TRIM67: variants seen among roughly 807,000 people sequenced by gnomAD.
The protein encoded by TRIM67 is tripartite motif containing 67.
A neutral mutation model predicts 71.0 loss-of-function variants in TRIM67; 39 were observed. The observed-to-expected ratio is 0.55, with a 90% confidence interval of 0.43 to 0.72. The LOEUF (loss-of-function observed/expected upper bound fraction) is 0.72. Ranked by LOEUF, TRIM67 falls within the 30% of genes least tolerant of loss-of-function variation. The pLI, the probability that TRIM67 is intolerant of heterozygous loss-of-function variation, is 0.00. For synonymous variants in TRIM67, 481 were observed against 473.9 expected, an observed-to-expected ratio of 1.01 and a Z score of -0.19; for missense variants, 973 against 1,079.2, an observed-to-expected ratio of 0.90 and a Z score of 1.38.
chr1:231,185,270 C>G, intron 1 of TRIM67: 2 of 1,498,786 alleles, frequency 1.3e-6, no homozygotes, highest in Non-Finnish European at 1.8e-6. Context: ...ACCCCTGGAC[C>G]AGCTCTCCCT....
chr1:231,211,655 C>T (rs1353163870), intron 8 of TRIM67, among the ~76,000 whole-genome samples: 2 of 152,232 alleles, frequency 1.3e-5, no homozygotes, highest in Non-Finnish European at 2.9e-5. Flanking sequence ...GACTTCCTGT[C>T]GTGAATCCTC....
In TRIM67 at chr1:231,206,812, T is replaced by C. The variant is rs1378785052; in HGVS notation, c.1819+22T>C. The C allele has an allele frequency of 1.9e-6, 3 of 1,562,060 alleles. No individual in the cohort carries two copies. In the Admixed American group the frequency reaches 5.8e-5, roughly 30 times the overall value. On this transcript the variant is annotated intron_variant, in intron 7 of 9. Coordinates refer to ENST00000366653, the MANE Select transcript of TRIM67 (RefSeq NM_001004342.5). Reference sequence around the variant, plus strand: ...GATGGTGAGCATCGGGATCTCTTAGTGGGAAGAACAGATTCATCATTTTAT... The same window carrying C: ...GATGGTGAGCATCGGGATCTCTTAGCGGGAAGAACAGATTCATCATTTTAT...
rs755009817 is a variant in TRIM67 at position 231,215,403 on chromosome 1, C to A, written c.2315C>A (p.Pro772Gln). ...ACCCTGCACACAGGATTGGAAGTGCCGACTAACCTGGGGCGGCCAAAGCTG... is the reference window on the plus strand; with the variant it reads ...ACCCTGCACACAGGATTGGAAGTGCAGACTAACCTGGGGCGGCCAAAGCTG... Reference protein sequence around the residue: ...QVTLHTGLEVPTNLGRPKLSG... With the variant: ...QVTLHTGLEVQTNLGRPKLSG... Residue 772 changes from proline (P) to glutamine (Q), a missense_variant, in exon 10 of 10, where the codon CCG (proline) becomes CAG (glutamine). By Grantham distance (76) the Pro-to-Gln change is moderately conservative. Transcript: ENST00000366653. The A allele has an allele frequency of 6.8e-6, 11 of 1,612,304 alleles. No homozygotes were observed. In the Admixed American group the frequency reaches 1.3e-4, roughly 20 times the overall value.
At chr1:231,203,452 G>C (rs540140906) in intron 5 of TRIM67, among the ~76,000 whole-genome samples, 1 of 152,334 alleles carries the variant, frequency 6.6e-6, no homozygotes, top group East Asian at 1.9e-4. Context: ...CCTGCGGAGA[G>C]GATCCCTAGG....
rs546656255 is a variant in TRIM67, at chr1:231,185,494, G to A, written c.1045-11877G>A. ...GAGTGAGCCGGGATGAACAGGCAGCGAGGGGAGGCCACATCGAGAGTGAGA... is the reference window on the plus strand; with the variant it reads ...GAGTGAGCCGGGATGAACAGGCAGCAAGGGGAGGCCACATCGAGAGTGAGA... On this transcript the variant is annotated intron_variant, in intron 1 of 9. Transcript: ENST00000366653. 4.5e-4 allele frequency among the ~76,000 whole-genome samples: 69 copies of A among 151,926 alleles called. 1 individual carries two copies. Among genetic ancestry groups the A allele is most frequent in the Admixed American group, 1.3e-3 (20 of 15,288 alleles).
At chr1:231,205,507 C>T (rs1037006595) in intron 6 of TRIM67, among the ~76,000 whole-genome samples, 8 of 152,090 alleles carry the variant, frequency 5.3e-5, no homozygotes, top group African/African-American at 1.4e-4. Context: ...GGATGGATCA[C>T]TTGAGGTCAG....
intron 1 of TRIM67, chr1:231,184,752 G>A (rs549085775): frequency 3.4e-5 from 17 of 506,552 alleles, no homozygotes; most frequent in Non-Finnish European, 3.5e-5. Context: ...TCATTCTACC[G>A]AGAACCACCA....
In TRIM67 at chr1:231,163,847, G is replaced by C. The variant is rs200729419; in HGVS notation, c.878G>C (p.Gly293Ala). The change falls in exon 1 of 10, where the codon GGG (glycine) becomes GCG (alanine). Residue 293 changes from glycine (G) to alanine (A), a missense_variant. Gly to Ala is a moderately conservative substitution (Grantham distance 60). Coordinates refer to ENST00000366653, the MANE Select transcript of TRIM67 (RefSeq NM_001004342.5). ...SPGGAGAGAT[G>A]GSTARKFPTC... The stretch of plus-strand genomic sequence containing the variant: ...GGAGGCGCGGGGGCGGGGGCGACTG[G>C]GGGCAGCACGGCCCGCAAGTTCCCC... The C allele has an allele frequency of 2.4e-3, 3,783 of 1,546,348 alleles. 15 individuals carry two copies. Among genetic ancestry groups the C allele is most frequent in the South Asian group, 0.011 (914 of 82,882 alleles).
chr1:231,217,892 C>T lies in TRIM67; in HGVS notation c.*2452C>T, dbSNP rs1451054282. 2.3e-6 allele frequency: 3 copies of T among 1,289,268 alleles called. No homozygotes were observed. Among genetic ancestry groups the T allele is most frequent in the East Asian group, 1.1e-4 (2 of 18,026 alleles). The allele number at this position is 1,289,268 out of a possible 1,614,324, so 79.9% of individuals were successfully genotyped here. On this transcript the variant is annotated 3_prime_UTR_variant, in exon 10 of 10. Coordinates refer to ENST00000366653, the MANE Select transcript of TRIM67 (RefSeq NM_001004342.5). ...GTGGCCTCTTTCAGAAAAAAGTTCCCTGAAGTCCAGAGAGGTGCAGCCAGG... is the reference window on the plus strand; with the variant it reads ...GTGGCCTCTTTCAGAAAAAAGTTCCTTGAAGTCCAGAGAGGTGCAGCCAGG...
intron 1 of TRIM67, among the ~76,000 whole-genome samples, chr1:231,191,485 G>C (rs556784139): frequency 6.6e-6 from 1 of 152,270 alleles, no homozygotes; most frequent in East Asian, 1.9e-4. Context: ...GGTGGGTGGG[G>C]GGCTTCCCCA....
Position 231,162,851 on chromosome 1 carries a change from C to A in TRIM67, c.-119C>A. The A allele has an allele frequency of 2.2e-6, 3 of 1,348,920 alleles. No homozygotes were observed. The highest frequency in any genetic ancestry group is 3.0e-6 in the Non-Finnish European group (3 of 997,598). The allele number at this position is 1,348,920 out of a possible 1,614,324, so 83.6% of individuals were successfully genotyped here. ...CCCTCGGCTGTGAAGTGGGCATGCC[C>A]GTGTGATGCCCCCGCCCGTCGTCTC... On this transcript the variant is annotated 5_prime_UTR_variant, in exon 1 of 10. Transcript: ENST00000366653.
chr1:231,174,191 T>C, intron 1 of TRIM67, among the ~76,000 whole-genome samples: 1 of 150,874 alleles, frequency 6.6e-6, no homozygotes, highest in East Asian at 1.9e-4. Flanking sequence ...CAGGGTCTCA[T>C]TGTGTTTCCC....
At chr1:231,213,333 A>G (rs1456638345) in intron 8 of TRIM67, among the ~76,000 whole-genome samples, 1 of 152,098 alleles carries the variant, frequency 6.6e-6, no homozygotes, top group African/African-American at 2.4e-5. Context: ...GCCTGTTAAC[A>G]AGGTGTGTCC....
intron 1 of TRIM67, among the ~76,000 whole-genome samples, chr1:231,167,922 T>G (rs1682521102): frequency 6.6e-6 from 1 of 152,162 alleles, no homozygotes; most frequent in African/African-American, 2.4e-5. Flanking sequence ...ATAGTTGCAC[T>G]GTGATCACAG....
Position 231,200,160 on chromosome 1 carries a change from C to T in TRIM67, c.1276C>T (p.Gln426Ter). The T allele has an allele frequency of 6.2e-7, 1 of 1,613,520 alleles. No homozygotes were observed. The highest frequency in any genetic ancestry group is 2.2e-5 in the East Asian group (1 of 44,858). ...CTTTCCATTGCAGATGGTTTGGGACCAGATCAATCACTGCACATTGAAGCT... is the reference window on the plus strand; with the variant it reads ...CTTTCCATTGCAGATGGTTTGGGACTAGATCAATCACTGCACATTGAAGCT... ...REHKLKMVWD[Q>*]INHCTLKLRQ... The change falls in exon 4 of 10, where the codon CAG becomes TAG. Residue 426 changes from glutamine to a stop codon, truncating the protein, a stop_gained. Transcript: ENST00000366653. LOFTEE classifies it high-confidence loss of function.
chr1:231,213,170 A>T (rs1683919848), intron 8 of TRIM67, among the ~76,000 whole-genome samples: 1 of 152,196 alleles, frequency 6.6e-6, no homozygotes, highest in African/African-American at 2.4e-5. Context: ...TTGGCAGGAA[A>T]AGGTGCCTTT....
At chr1:231,167,892 G>A (rs187227792) in intron 1 of TRIM67, among the ~76,000 whole-genome samples, 29 of 152,130 alleles carry the variant, frequency 1.9e-4, no homozygotes, top group African/African-American at 6.0e-4. Flanking sequence ...TAATACATAC[G>A]TGACAAAGAA....
chr1:231,198,709 T>TACAAACACACAC (rs1553326464), intron 2 of TRIM67, among the ~76,000 whole-genome samples: 1 of 151,358 alleles, frequency 6.6e-6, no homozygotes, highest in Non-Finnish European at 1.5e-5. Flanking sequence ...TAAACACACA[T>TACAAACACACAC]ACACACACAC....
Position 231,219,308 on chromosome 1 carries a change from C to A in TRIM67, c.*3868C>A. ...AGTTAGGTGTGACAACCAAAAGTAT[C>A]TGTCGACATTGCTAGGTATCTCCTG... On this transcript the variant is annotated 3_prime_UTR_variant, in exon 10 of 10. Transcript: ENST00000366653. 1 of 982,826 alleles carries A rather than the reference C, an allele frequency of 1.0e-6. No homozygotes were observed. The highest frequency in any genetic ancestry group is 1.2e-6 in the Non-Finnish European group (1 of 827,352). 60.9% of individuals were successfully genotyped at this position (982,826 alleles called of 1,614,324 possible).
Sources: allele counts gnomAD v4.1 joint callset (sites outside exome capture counted in the v4.1 genomes callset), GRCh38; gene constraint gnomAD v4.1.1; transcripts MANE v1.5; gene names NCBI Gene and HGNC (gene_info 2026-07-23, HGNC 2026-07-21).